ASIC2: variants seen among roughly 807,000 people sequenced by gnomAD.
The protein encoded by ASIC2 is acid-sensing ion channel 2.
In ASIC2, 25 loss-of-function variants were observed where a neutral mutation model predicts 57.3. The observed-to-expected ratio is 0.44, with a 90% CI of 0.32 to 0.61. ASIC2 has a LOEUF of 0.61. Among genes scored for constraint, ASIC2 ranks in the 20% least tolerant of loss-of-function variants. The pLI is 0.06. For missense variants in ASIC2, 641 were observed against 738.1 expected (o/e 0.87, Z 1.52); for synonymous variants, 319 against 307.5 (o/e 1.04, Z -0.39).
chr17:33,571,709 ATTTG>A (rs1194909291), intron 1 of ASIC2, among the ~76,000 whole-genome samples: 2 of 152,232 alleles, frequency 1.3e-5, no homozygotes, highest in Non-Finnish European at 2.9e-5. Context: ...GAAGTGTATA[ATTTG>A]TTTGATAAGA....
At chr17:33,845,178 G>C (rs1470818689) in intron 1 of ASIC2, among the ~76,000 whole-genome samples, 13 of 152,242 alleles carry the variant, frequency 8.5e-5, no homozygotes, top group Non-Finnish European at 7.3e-5. Flanking sequence ...AGTCAAGTTA[G>C]TGCTATACTA....
intron 1 of ASIC2, among the ~76,000 whole-genome samples, chr17:33,222,463 G>C (rs950784771): frequency 2.0e-5 from 3 of 152,148 alleles, no homozygotes; most frequent in Non-Finnish European, 4.4e-5. Flanking sequence ...ATTTAGCAGG[G>C]GGTTGTTCTA....
chr17:34,128,530 G>A (rs562701559), intron 1 of ASIC2, among the ~76,000 whole-genome samples: 57 of 152,136 alleles, frequency 3.7e-4, no homozygotes, highest in Non-Finnish European at 7.5e-4. Flanking sequence ...CCTGAGGGAT[G>A]TCACTTAACT....
intron 1 of ASIC2, among the ~76,000 whole-genome samples, chr17:34,066,796 G>A (rs895576293): frequency 1.3e-5 from 2 of 152,194 alleles, no homozygotes; most frequent in Non-Finnish European, 2.9e-5. Flanking sequence ...TGGGCATGGA[G>A]ATGTGAGTCA....
intron 1 of ASIC2, among the ~76,000 whole-genome samples, chr17:33,673,897 C>CTT (rs574986885): frequency 7.1e-6 from 1 of 141,130 alleles, no homozygotes; most frequent in African/African-American, 2.7e-5. Flanking sequence ...GCATCCGTGT[C>CTT]TTTTTTTTTT....
intron 1 of ASIC2, among the ~76,000 whole-genome samples, chr17:33,849,422 G>A (rs745326437): frequency 5.3e-5 from 8 of 152,120 alleles, no homozygotes; most frequent in Admixed American, 1.3e-4. Context: ...AGGAATGAGG[G>A]GTGCTGTGTA....
chr17:33,883,531 T>C (rs1246353747), intron 1 of ASIC2, among the ~76,000 whole-genome samples: 2 of 152,150 alleles, frequency 1.3e-5, no homozygotes, highest in Admixed American at 1.3e-4. Flanking sequence ...CTAAGCAGCC[T>C]CATCTAGTGC....
intron 1 of ASIC2, among the ~76,000 whole-genome samples, chr17:33,525,614 A>T (rs947602830): frequency 3.3e-5 from 5 of 152,340 alleles, no homozygotes; most frequent in Non-Finnish European, 7.3e-5. Context: ...TGCCTTGCAG[A>T]CATGGAGATC....
intron 1 of ASIC2, among the ~76,000 whole-genome samples, chr17:33,870,101 C>T (rs1914353415): frequency 6.6e-6 from 1 of 151,500 alleles, no homozygotes; most frequent in Non-Finnish European, 1.5e-5. Flanking sequence ...AGTTGCCAAA[C>T]ACAGAATCAT....
At chr17:33,614,673 C>T (rs1905536500) in intron 1 of ASIC2, among the ~76,000 whole-genome samples, 1 of 152,178 alleles carries the variant, frequency 6.6e-6, no homozygotes, top group African/African-American at 2.4e-5. Context: ...TAAGAAAGCA[C>T]AAATTGTTTG....
chr17:33,169,362 C>T (rs2142047010), intron 1 of ASIC2, among the ~76,000 whole-genome samples: 1 of 152,272 alleles, frequency 6.6e-6, no homozygotes, highest in South Asian at 2.1e-4. Context: ...GGTGCTTAGA[C>T]AGCATTTGAA....
intron 1 of ASIC2, among the ~76,000 whole-genome samples, chr17:33,644,537 C>A (rs1906682009): frequency 6.6e-6 from 1 of 152,176 alleles, no homozygotes; most frequent in African/African-American, 2.4e-5. Context: ...AACTTTCAAG[C>A]CTTTGAATAA....
At position 34,149,907 on chromosome 17, in the gene ASIC2, G is replaced by A. The variant is rs368170994; in HGVS notation, c.555+6071C>T. Among the ~76,000 whole-genome samples, 61 of 152,274 alleles carry A rather than the reference G, an allele frequency of 4.0e-4. 1 individual carries two copies. Among genetic ancestry groups the A allele is most frequent in the African/African-American group, 1.4e-3 (57 of 41,556 alleles). ...TACTGGGTATATATCCAAAGGAAGT[G>A]AAATCAGTATGTCAAAGAGATTCTG... On this transcript the variant is annotated intron_variant, in intron 1 of 9. Transcript: ENST00000359872.
At chr17:33,500,437 C>G (rs1914066382) in intron 1 of ASIC2, among the ~76,000 whole-genome samples, 1 of 152,200 alleles carries the variant, frequency 6.6e-6, no homozygotes, top group African/African-American at 2.4e-5. Flanking sequence ...TGGAATGGCT[C>G]CTCCTTATCT....
chr17:33,016,021 A>G lies in ASIC2; in HGVS notation c.1540T>C (p.Leu514=), dbSNP rs1485417970. The change falls in exon 9 of 10, where the codon TTA becomes CTA. Residue 514 remains leucine (L), a synonymous_variant. Transcript: ENST00000225823. ...TCCTCCTCTTTGCCAAGCAGGTCTA[A>G]TAGCTTCTCTTTGATCAGCTGCAAG... The part of the protein sequence containing the change: ...YIYELIKEKL[L]DLLGKEEDEG... 1 of 1,614,020 alleles carries G rather than the reference A, an allele frequency of 6.2e-7. No individual in the cohort carries two copies. The highest frequency in any genetic ancestry group is 8.5e-7 in the Non-Finnish European group (1 of 1,179,956).
intron 1 of ASIC2, among the ~76,000 whole-genome samples, chr17:33,567,686 A>T (rs1916283511): frequency 6.6e-6 from 1 of 152,118 alleles, no homozygotes; most frequent in Non-Finnish European, 1.5e-5. Context: ...TGAATCTCAG[A>T]TTAAGGCCTG....
At chr17:33,592,130 A>G (rs8081813) in intron 1 of ASIC2, among the ~76,000 whole-genome samples, 62,092 of 151,920 alleles carry the variant, frequency 0.41, 13,977 homozygotes, top group African/African-American at 0.61. Flanking sequence ...AGGACACACC[A>G]GCACACAAGA....
At chr17:33,656,921 A>T (rs191330464) in intron 1 of ASIC2, among the ~76,000 whole-genome samples, 1 of 152,292 alleles carries the variant, frequency 6.6e-6, no homozygotes, top group Admixed American at 6.5e-5. Context: ...AATTGTTCAG[A>T]TATGGGTAAG....
intron 1 of ASIC2, among the ~76,000 whole-genome samples, chr17:33,619,861 T>C (rs1327496053): frequency 6.6e-6 from 1 of 152,148 alleles, no homozygotes; most frequent in Non-Finnish European, 1.5e-5. Flanking sequence ...AATCTACATT[T>C]AATCTGTTCT....
Sources: allele counts gnomAD v4.1 joint callset (sites outside exome capture counted in the v4.1 genomes callset), GRCh38; gene constraint gnomAD v4.1.1; transcripts MANE v1.5; gene names NCBI Gene and HGNC (gene_info 2026-07-23, HGNC 2026-07-21).